Variants in PTPRN2 observed in about 807,000 individuals in gnomAD.
PTPRN2 encodes the protein receptor-type tyrosine-protein phosphatase N2.
PTPRN2 carries 74 observed loss-of-function variants against 118.8 expected under a neutral mutation model. The observed-to-expected ratio is 0.62, with a 90% CI of 0.52 to 0.76. The LOEUF (loss-of-function observed/expected upper bound fraction) is 0.76, where lower values mean the gene tolerates loss of function less well. Ranked by LOEUF, PTPRN2 falls within the 30% of genes least tolerant of loss-of-function variation. The pLI, the probability that PTPRN2 is intolerant of heterozygous loss-of-function variation, is 0.00. For synonymous variants in PTPRN2, 641 were observed against 608.0 expected (o/e 1.05, Z -0.80); for missense variants, 1,481 against 1,394.4 (o/e 1.06, Z -0.99).
At chr7:158,202,340 A>G (rs1282736234) in intron 4 of PTPRN2, among the ~76,000 whole-genome samples, 1 of 151,898 alleles carries the variant, frequency 6.6e-6, no homozygotes, top group African/African-American at 2.4e-5. Context: ...CCTCATGGGA[A>G]CCTCCCTCAG....
intron 5 of PTPRN2, 36 bp downstream of exon 5, chr7:158,192,291 G>A: frequency 6.9e-7 from 1 of 1,439,634 alleles, no homozygotes; most frequent in Middle Eastern, 2.4e-4. Context: ...TGAAGGAAAA[G>A]CCAACCCCGG....
chr7:158,257,278 A>C (rs901806107), intron 3 of PTPRN2, among the ~76,000 whole-genome samples: 1 of 152,088 alleles, frequency 6.6e-6, no homozygotes, highest in African/African-American at 2.4e-5. Flanking sequence ...TGATCACAGA[A>C]ACCTGTGGCG....
intron 12 of PTPRN2, among the ~76,000 whole-genome samples, chr7:157,723,777 A>C (rs1799374945): frequency 6.6e-6 from 1 of 152,216 alleles, no homozygotes; most frequent in Admixed American, 6.5e-5. Flanking sequence ...GACCCTGAGC[A>C]AGTGTGAGAG....
chr7:158,149,595 G>T (rs896011113), intron 6 of PTPRN2, among the ~76,000 whole-genome samples: 3 of 152,140 alleles, frequency 2.0e-5, no homozygotes, highest in African/African-American at 4.8e-5. Context: ...CTGAGGTCAG[G>T]AGTTCGAGAC....
chr7:157,772,322 GACACACACATACACACAGACATACAC>G (rs1802919396), intron 12 of PTPRN2, among the ~76,000 whole-genome samples: 1 of 96,796 alleles, frequency 1.0e-5, no homozygotes, highest in South Asian at 2.9e-4. Flanking sequence ...CATAGACACA[GACACACACATACACACAGACATACAC>G]ACACACACAT....
At chr7:158,330,970 C>A (rs1222788017) in intron 2 of PTPRN2, among the ~76,000 whole-genome samples, 5 of 126,724 alleles carry the variant, frequency 3.9e-5, no homozygotes, top group African/African-American at 1.5e-4. Context: ...AGACGACACT[C>A]ACACCCACAC....
In PTPRN2 at chr7:157,784,544, C is replaced by T. The variant is rs1256541382; in HGVS notation, c.1789-101607G>A. On this transcript the variant is annotated intron_variant, in intron 12 of 22. Transcript: ENST00000389418. This position sits in a 1 kb window ranked among gnomAD's most constrained non-coding sequence, Gnocchi z 4.6. ...CAGCGCTGGAGAGAAAGCCCTATCCCGCTCGGCCTGACCCTCCTCTCCACA... is the reference window on the plus strand; with the variant it reads ...CAGCGCTGGAGAGAAAGCCCTATCCTGCTCGGCCTGACCCTCCTCTCCACA... 6.6e-6 allele frequency among the ~76,000 whole-genome samples: 1 copy of T among 152,184 alleles called. No homozygotes were observed. The highest frequency in any genetic ancestry group is 1.5e-5 in the Non-Finnish European group (1 of 68,040).
chr7:158,085,626 C>T (rs1322371176), intron 10 of PTPRN2, among the ~76,000 whole-genome samples: 2 of 134,998 alleles, frequency 1.5e-5, no homozygotes, highest in African/African-American at 2.9e-5. Context: ...CATCCACACC[C>T]TCGACGCCCA....
chr7:158,337,391 A>G (rs62481677), intron 2 of PTPRN2, among the ~76,000 whole-genome samples: 2,298 of 16,352 alleles, frequency 0.14, 89 homozygotes, highest in Middle Eastern at 0.19. Flanking sequence ...CATAAGAGGT[A>G]ACACCTGCAG....
At chr7:158,577,958 A>T (rs1828429003) in intron 1 of PTPRN2, among the ~76,000 whole-genome samples, 1 of 152,050 alleles carries the variant, frequency 6.6e-6, no homozygotes. Flanking sequence ...GGGCACAGCA[A>T]GACTGCCCAC....
At position 158,504,761 on chromosome 7, in the gene PTPRN2, C is replaced by T. The variant is rs74411017; in HGVS notation, c.113-14976G>A. Among the ~76,000 whole-genome samples the T allele has an allele frequency of 1.8e-3, 271 of 152,356 alleles. 7 individuals carry two copies. The East Asian group carries it at 0.034, about 19-fold the overall frequency. ...CTTAATAACTATTTCTACACATGCA[C>T]ATCATCTAGCTAACCAATTCCCTCT... is the stretch of plus-strand genomic sequence containing the variant. On this transcript the variant is annotated intron_variant, in intron 1 of 22. Coordinates refer to ENST00000389418, the MANE Select transcript of PTPRN2 (RefSeq NM_002847.5).
intron 6 of PTPRN2, among the ~76,000 whole-genome samples, chr7:158,149,222 C>G (rs1333064462): frequency 6.6e-6 from 1 of 152,144 alleles, no homozygotes; most frequent in Non-Finnish European, 1.5e-5. Flanking sequence ...GGCTGACCTG[C>G]TCTCCAAGCT....
At chr7:158,471,838 G>A (rs1390202823) in intron 2 of PTPRN2, among the ~76,000 whole-genome samples, 2 of 152,242 alleles carry the variant, frequency 1.3e-5, no homozygotes, top group East Asian at 1.9e-4. Flanking sequence ...ATTGGCGGGC[G>A]CCCCGGCCCC....
chr7:157,844,992 A>T (rs60801665), intron 12 of PTPRN2, among the ~76,000 whole-genome samples: 8,875 of 151,950 alleles, frequency 0.058, 336 homozygotes, highest in South Asian at 0.18. Context: ...TTTCCAGCAA[A>T]CCCTACAGAT....
At chr7:157,960,961 C>T (rs1373765106) in intron 11 of PTPRN2, among the ~76,000 whole-genome samples, 3 of 152,164 alleles carry the variant, frequency 2.0e-5, no homozygotes, top group African/African-American at 4.8e-5. Flanking sequence ...GAGCCAAGAA[C>T]ATGCCACTGC....
Position 157,884,025 on chromosome 7 carries a change from C to A in PTPRN2, c.1788+14648G>T, listed in dbSNP as rs1187670605. On this transcript the variant is annotated intron_variant, in intron 12 of 22. Coordinates refer to ENST00000389418, the MANE Select transcript of PTPRN2 (RefSeq NM_002847.5). ...TGTTGGAGATCAGAACACACTACCC[C>A]AAAATGACTGTCGAAAACCAGAACA... 2.7e-5 allele frequency among the ~76,000 whole-genome samples: 4 copies of A among 149,204 alleles called. No homozygotes were observed. The East Asian group carries it at 8.1e-4, about 30-fold the overall frequency.
In PTPRN2 at chr7:158,506,437, T is replaced by C. The variant is rs79445896; in HGVS notation, c.113-16652A>G. Among the ~76,000 whole-genome samples, 389 of 152,250 alleles carry C rather than the reference T, an allele frequency of 2.6e-3. 9 individuals carry two copies. The East Asian group carries it at 0.034, about 13-fold the overall frequency. On this transcript the variant is annotated intron_variant, in intron 1 of 22. Transcript: ENST00000389418. Reference sequence around the variant, plus strand: ...GGCCACACAGGTGTGGTGGCAATTGTGCAGAGCAAAGCACTTCAGAGGCTT... The same window carrying C: ...GGCCACACAGGTGTGGTGGCAATTGCGCAGAGCAAAGCACTTCAGAGGCTT...
rs920862807 is a variant in PTPRN2 at position 157,779,535 on chromosome 7, T to C, written c.1789-96598A>G. ...CCTCAGGCCAGTGCCCTCCACGTTG[T>C]CCCCAGCAGGGCGACGGAGGGTGGG... On this transcript the variant is annotated intron_variant, in intron 12 of 22. Transcript: ENST00000389418. The surrounding 1 kb of genome is among the most constrained non-coding windows in gnomAD (Gnocchi z 4.7). Among the ~76,000 whole-genome samples the C allele has an allele frequency of 6.6e-6, 1 of 152,074 alleles. No individual in the cohort carries two copies. The highest frequency in any genetic ancestry group is 1.5e-5 in the Non-Finnish European group (1 of 68,002).
chr7:158,038,342 CCTAT>C (rs1395989646), intron 11 of PTPRN2, among the ~76,000 whole-genome samples: 1 of 152,036 alleles, frequency 6.6e-6, no homozygotes, highest in Non-Finnish European at 1.5e-5. Context: ...AGGACAACTC[CCTAT>C]CTAAGTAGAA....
Sources: gnomAD v4.1 joint callset for allele counts (sites outside exome capture counted in the v4.1 genomes callset) on GRCh38, gnomAD v4.1.1 for gene constraint, Gnocchi (gnomAD v3.1) non-coding constraint, MANE v1.5 for transcripts, NCBI Gene and HGNC (gene_info 2026-07-23, HGNC 2026-07-21) for gene names.